Variants in ZC3H18 observed in about 807,000 individuals in gnomAD.
ZC3H18 encodes zinc finger CCCH-type containing 18.
In ZC3H18, 8 loss-of-function variants were observed where a neutral mutation model predicts 106.1. That is an observed-to-expected ratio of 0.08 (90% CI 0.04 to 0.14). The LOEUF (loss-of-function observed/expected upper bound fraction) is 0.14, where lower values mean the gene tolerates loss of function less well. Among genes scored for constraint, ZC3H18 ranks in the 10% least tolerant of loss-of-function variants. ZC3H18 has a pLI of 1.00. For synonymous variants in ZC3H18, 635 were observed against 522.1 expected (o/e 1.22, Z -2.95); for missense variants, 1,318 against 1,278.4 (o/e 1.03, Z -0.47).
At chr16:88,619,443 C>T (rs746417543) in intron 8 of ZC3H18, among the ~76,000 whole-genome samples, 66 of 152,240 alleles carry the variant, frequency 4.3e-4, no homozygotes, top group South Asian at 2.3e-3. Flanking sequence ...GCGGAGGGCG[C>T]GCTGTGCAGT....
chr16:88,597,836 C>T (rs1371991534), intron 3 of ZC3H18, among the ~76,000 whole-genome samples: 2 of 152,200 alleles, frequency 1.3e-5, no homozygotes, highest in African/African-American at 4.8e-5. Context: ...GAGCCTGGGC[C>T]AGGGCTGGAA....
intron 8 of ZC3H18, among the ~76,000 whole-genome samples, chr16:88,614,086 C>T (rs1905429956): frequency 6.6e-6 from 1 of 152,238 alleles, no homozygotes; most frequent in Non-Finnish European, 1.5e-5. Flanking sequence ...GCCTGCAGGA[C>T]TTCCCAGTCA....
At chr16:88,593,527 G>T (rs1904307890) in intron 3 of ZC3H18, among the ~76,000 whole-genome samples, 1 of 152,226 alleles carries the variant, frequency 6.6e-6, no homozygotes. Flanking sequence ...ACTGTGGAAA[G>T]CCAGAAAGCA....
At chr16:88,615,803 T>C (rs2142768939) in intron 8 of ZC3H18, among the ~76,000 whole-genome samples, 1 of 152,286 alleles carries the variant, frequency 6.6e-6, no homozygotes, top group African/African-American at 2.4e-5. Flanking sequence ...CCCCTAGTCA[T>C]GTATTCTGCC....
At chr16:88,609,718 G>C (rs1399919942) in intron 7 of ZC3H18, among the ~76,000 whole-genome samples, 2 of 152,138 alleles carry the variant, frequency 1.3e-5, no homozygotes, top group Non-Finnish European at 2.9e-5. Context: ...TCCTGCCTCA[G>C]CCTCCTGAGT....
chr16:88,602,432 T>C (rs1904796889), intron 6 of ZC3H18, among the ~76,000 whole-genome samples: 1 of 152,210 alleles, frequency 6.6e-6, no homozygotes, highest in South Asian at 2.1e-4. Flanking sequence ...AGCTGTGACC[T>C]CCTGGTGTGG....
At chr16:88,624,111 G>T (rs932681994) in intron 11 of ZC3H18, 49 bp downstream of exon 11, 1 of 1,599,128 alleles carries the variant, frequency 6.3e-7, no homozygotes, top group Non-Finnish European at 8.5e-7. Flanking sequence ...GCCTCCACAG[G>T]CTGCAGCCTC....
At position 88,584,401 on chromosome 16, in the gene ZC3H18, G is replaced by A. The variant is rs1406469201; in HGVS notation, c.604-2199G>A. Among the ~76,000 whole-genome samples the A allele has an allele frequency of 6.7e-5, 10 of 149,332 alleles. No homozygotes were observed. The East Asian group carries it at 1.2e-3, about 18-fold the overall frequency. ...CGTGCCACTGCACTCCAGCCTGGGC[G>A]ACAGAGCAGGACTCTGTCTCCAAAA... On this transcript the variant is annotated intron_variant, in intron 2 of 17. Transcript: ENST00000301011.
In ZC3H18 at chr16:88,577,454, G is replaced by C. The variant is rs767226389; in HGVS notation, c.331G>C (p.Asp111His). The change falls in exon 2 of 18, where the codon GAC becomes CAC. Residue 111 changes from aspartate (D) to histidine (H), a missense_variant. By Grantham distance (81) the Asp-to-His change is moderately conservative (BLOSUM62 -1). Transcript: ENST00000301011. Reference sequence around the variant, plus strand: ...CGAAGGGGAGGAAGACCGGACAAGCGACCTTAGGGATGAGGCCTCCTCAGT... The same window carrying C: ...CGAAGGGGAGGAAGACCGGACAAGCCACCTTAGGGATGAGGCCTCCTCAGT... ...GDEGEEDRTS[D>H]LRDEASSVTR... is the part of the protein sequence containing the mutation. 1.2e-6 allele frequency: 2 copies of C among 1,610,378 alleles called. No individual in the cohort carries two copies. Among genetic ancestry groups the C allele is most frequent in the Non-Finnish European group, 1.7e-6 (2 of 1,177,908 alleles).
chr16:88,598,486 C>T (rs984441724), intron 4 of ZC3H18, 134 bp from the exon 5 acceptor site: 65 of 1,442,362 alleles, frequency 4.5e-5, no homozygotes, highest in Non-Finnish European at 5.6e-5. Flanking sequence ...TTTCCGAGGA[C>T]GGAGTGAGGC....
chr16:88,583,715 A>T (rs1180017566), intron 2 of ZC3H18, among the ~76,000 whole-genome samples: 3 of 152,214 alleles, frequency 2.0e-5, no homozygotes, highest in Non-Finnish European at 4.4e-5. Flanking sequence ...AGATGGGTGC[A>T]CTGAGGCCTG....
chr16:88,585,632 G>T (rs1226098619), intron 2 of ZC3H18, among the ~76,000 whole-genome samples: 2 of 152,194 alleles, frequency 1.3e-5, no homozygotes, highest in Non-Finnish European at 2.9e-5. Context: ...ATCAGGAAGA[G>T]GAGAGGGAAG....
intron 8 of ZC3H18, among the ~76,000 whole-genome samples, chr16:88,619,644 C>G (rs1236119704): frequency 6.6e-6 from 1 of 152,222 alleles, no homozygotes; most frequent in African/African-American, 2.4e-5. Flanking sequence ...CTGCCCGCCT[C>G]TCTGGACCTC....
chr16:88,603,623 CTTTT>C (rs59222261), intron 6 of ZC3H18, among the ~76,000 whole-genome samples: 5 of 132,564 alleles, frequency 3.8e-5, no homozygotes, highest in Admixed American at 7.5e-5. Context: ...GACTCCGTCT[CTTTT>C]TTTTTTTTTT....
intron 8 of ZC3H18, among the ~76,000 whole-genome samples, chr16:88,615,667 T>C (rs1357957868): frequency 6.6e-6 from 1 of 152,150 alleles, no homozygotes; most frequent in Non-Finnish European, 1.5e-5. Flanking sequence ...AGCAGAGACA[T>C]AGAAAGGCAG....
chr16:88,626,506 C>T (rs907864849), intron 13 of ZC3H18: 1 of 151,972 alleles, frequency 6.6e-6, no homozygotes, highest in Non-Finnish European at 1.5e-5. Flanking sequence ...TGTCACAGTT[C>T]TTTGTTTCTT....
At chr16:88,596,401 G>T (rs1400911597) in intron 3 of ZC3H18, among the ~76,000 whole-genome samples, 1 of 152,110 alleles carries the variant, frequency 6.6e-6, no homozygotes, top group Non-Finnish European at 1.5e-5. Context: ...CAGCACTTTG[G>T]GAGGCCGAGG....
At chr16:88,573,449 C>T (rs768701831) in intron 1 of ZC3H18, among the ~76,000 whole-genome samples, 2 of 152,024 alleles carry the variant, frequency 1.3e-5, no homozygotes, top group Non-Finnish European at 2.9e-5. Context: ...CCTTAGCAGC[C>T]TTGGTGCTTT....
At chr16:88,616,549 G>T (rs529189333) in intron 8 of ZC3H18, among the ~76,000 whole-genome samples, 11 of 152,294 alleles carry the variant, frequency 7.2e-5, no homozygotes, top group South Asian at 2.1e-4. Context: ...GGAGGACAAG[G>T]GTTTCCCCAG....
Sources: gnomAD v4.1 joint callset for allele counts (sites outside exome capture counted in the v4.1 genomes callset) on GRCh38, gnomAD v4.1.1 for gene constraint, MANE v1.5 for transcripts, NCBI Gene and HGNC (gene_info 2026-07-23, HGNC 2026-07-21) for gene names.